SEMA3B: variants seen among roughly 807,000 people sequenced by gnomAD.
The protein encoded by SEMA3B is semaphorin-3B.
Under a neutral mutation model 77.8 loss-of-function variants are expected in SEMA3B, and 71 were observed. The observed-to-expected ratio is 0.91, with a 90% CI of 0.75 to 1.11. SEMA3B has a LOEUF of 1.11. Among genes scored for constraint, SEMA3B ranks in the 50% most tolerant of loss-of-function variants. SEMA3B has a pLI of 0.00. For missense variants in SEMA3B, 968 were observed against 1,056.8 expected (o/e 0.92, Z 1.17); for synonymous variants, 470 against 452.9 (o/e 1.04, Z -0.48).
Position 50,275,589 on chromosome 3 carries a change from G to C in SEMA3B, c.1679G>C (p.Gly560Ala). Residue 560 changes from glycine to alanine, a missense_variant, in exon 15 of 17, where the codon GGC becomes GCC. Coordinates refer to ENST00000616701, the MANE Select transcript of SEMA3B (RefSeq NM_001290060.2). The surrounding 1 kb of genome is among the most constrained non-coding windows in gnomAD (Gnocchi z 7.5). ...TTCCGGCGGCAAGACGTAAGGAATG[G>C]CGACCCCAGCACGTTGTGCTCCGGA... The part of the protein sequence containing the change: ...RRFRRQDVRN[G>A]DPSTLCSGDS... 6.2e-7 allele frequency: 1 copy of C among 1,613,730 alleles called. No homozygotes were observed. The highest frequency in any genetic ancestry group is 8.5e-7 in the Non-Finnish European group (1 of 1,179,902).
At chr3:50,260,369 C>G in the SEMA3B span, 3 of 152,324 alleles carry the variant, frequency 2.0e-5, no homozygotes, top group Non-Finnish European at 4.4e-5. Flanking sequence ...CCCGGGACCC[C>G]GTCCCCGCAC....
Position 50,270,216 on chromosome 3 carries a change from C to T in SEMA3B, c.199C>T (p.Leu67=). ...ALLVDEERGR[L]FVGAENHVAS... is the part of the protein sequence containing the mutation. ...GCTGGTGGATGAGGAGCGTGGACGC[C>T]TGTTTGTGGGTGCCGAGAACCATGT... The change falls in exon 2 of 17, where the codon CTG becomes TTG. Residue 67 remains leucine, a synonymous_variant. Coordinates refer to ENST00000616701, the MANE Select transcript of SEMA3B (RefSeq NM_001290060.2). This position sits in a 1 kb window ranked among gnomAD's most constrained non-coding sequence, Gnocchi z 4.7. 1 of 1,611,126 alleles carries T rather than the reference C, an allele frequency of 6.2e-7. No individual in the cohort carries two copies. The highest frequency in any genetic ancestry group is 8.5e-7 in the Non-Finnish European group (1 of 1,179,010).
rs997610896 is a variant in SEMA3B at position 50,277,379 on chromosome 3, C to G, written c.*673C>G. ...CATCCCGGCTAACACGGTGAAACCC[C>G]GTCTGTACTAAAAATACAAAAAATT... On this transcript the variant is annotated 3_prime_UTR_variant, in exon 17 of 17. Coordinates refer to ENST00000616701, the MANE Select transcript of SEMA3B (RefSeq NM_001290060.2). The G allele has an allele frequency of 2.0e-5, 3 of 151,508 alleles. No individual in the cohort carries two copies. Among genetic ancestry groups the G allele is most frequent in the Non-Finnish European group, 4.4e-5 (3 of 67,932 alleles). 9.4% of individuals were successfully genotyped at this position (151,508 alleles called of 1,614,324 possible). A position where few individuals can be genotyped will look rare whatever the true frequency, so the allele number is the denominator to read the frequency against.
Position 50,273,964 on chromosome 3 carries a change from C to A in SEMA3B, c.1044C>A (p.Arg348=). 6.2e-7 allele frequency: 1 copy of A among 1,613,742 alleles called. No homozygotes were observed. Among genetic ancestry groups the A allele is most frequent in the Non-Finnish European group, 8.5e-7 (1 of 1,179,716 alleles). The change falls in exon 10 of 17, where the codon CGC becomes CGA. Residue 348 remains arginine (R), a synonymous_variant. Coordinates refer to ENST00000616701, the MANE Select transcript of SEMA3B (RefSeq NM_001290060.2). The surrounding 1 kb of genome is among the most constrained non-coding windows in gnomAD (Gnocchi z 6.5). ...GCGTGTACAGCATGAACGACGTGCG[C>A]CGGGCCTTCTTGGGACCCTTTGCAC... is the stretch of plus-strand genomic sequence containing the variant. The part of the protein sequence containing the change: ...AVCVYSMNDV[R]RAFLGPFAHK...
Position 50,272,879 on chromosome 3 carries a change from T to TAATAATAATAATAATAATAATAAA in SEMA3B, c.665-417_665-416insTAATAATAATAATAATAATAAAAA, listed in dbSNP as rs797032591. ...CAAATAATAATAATAATAATAATAA[T>TAATAATAATAATAATAATAATAAA]AAAGAGCAATGGGACCCAGCAGAAG... On this transcript the variant is annotated intron_variant, in intron 6 of 16. Coordinates refer to ENST00000616701, the MANE Select transcript of SEMA3B (RefSeq NM_001290060.2). 9.9e-3 allele frequency among the ~76,000 whole-genome samples: 1,489 copies of TAATAATAATAATAATAATAATAAA among 150,012 alleles called. 75 individuals are homozygous for TAATAATAATAATAATAATAATAAA. The East Asian group carries it at 0.15, about 16-fold the overall frequency.
chr3:50,271,670 C>G (rs1323050683), intron 6 of SEMA3B, among the ~76,000 whole-genome samples, 190 bp downstream of exon 6: 1 of 152,184 alleles, frequency 6.6e-6, no homozygotes, highest in African/African-American at 2.4e-5. Context: ...TCACAGATCA[C>G]ATACATGATA....
At chr3:50,264,872 G>A (rs906609605), upstream of SEMA3B, among the ~76,000 whole-genome samples, 2 of 151,546 alleles carry the variant, frequency 1.3e-5, no homozygotes, top group African/African-American at 4.8e-5. Context: ...GGGGGCTCCC[G>A]CATCCCAGAA....
At chr3:50,266,336 A>C (rs886188731), upstream of SEMA3B, among the ~76,000 whole-genome samples, 67 of 152,312 alleles carry the variant, frequency 4.4e-4, no homozygotes, top group African/African-American at 1.5e-3. Flanking sequence ...GAGCCCAGGC[A>C]GGGATCTGTC....
chr3:50,276,199 AC>A lies in SEMA3B; in HGVS notation c.1846-101del. The A allele has an allele frequency of 7.2e-7, 1 of 1,384,354 alleles. No homozygotes were observed. The highest frequency in any genetic ancestry group is 9.4e-7 in the Non-Finnish European group (1 of 1,063,270). 85.8% of individuals were successfully genotyped at this position (1,384,354 alleles called of 1,614,324 possible). ...CCTGCGGGCACCCCTTTCCCGCTCC[AC>A]CTCGGCTCCCAATGACTCTTTGCTT... On this transcript the variant is annotated intron_variant, in intron 16 of 16. Coordinates refer to ENST00000616701, the MANE Select transcript of SEMA3B (RefSeq NM_001290060.2). The surrounding 1 kb of genome is among the most constrained non-coding windows in gnomAD (Gnocchi z 5.8).
rs1336627948 is a variant in SEMA3B at position 50,269,577 on chromosome 3, C to T, written c.109+228C>T. Among the ~76,000 whole-genome samples, 1 of 152,210 alleles carries T rather than the reference C, an allele frequency of 6.6e-6. No homozygotes were observed. The highest frequency in any genetic ancestry group is 1.5e-5 in the Non-Finnish European group (1 of 68,034). Reference sequence around the variant, plus strand: ...GCTTTCTCAGGAAGACCCCTCCTGTCCCCACAGCAACAGACCTTGTCTCTG... The same window carrying T: ...GCTTTCTCAGGAAGACCCCTCCTGTTCCCACAGCAACAGACCTTGTCTCTG... On this transcript the variant is annotated intron_variant, in intron 1 of 16. Coordinates refer to ENST00000616701, the MANE Select transcript of SEMA3B (RefSeq NM_001290060.2). This position sits in a 1 kb window ranked among gnomAD's most constrained non-coding sequence, Gnocchi z 4.0.
chr3:50,275,743 G>T lies in SEMA3B; in HGVS notation c.1744G>T (p.Gly582Cys), dbSNP rs1553706497. The change falls in exon 16 of 17, where the codon GGC (glycine) becomes TGC (cysteine). Residue 582 changes from glycine (G) to cysteine (C), a missense_variant. By Grantham distance (159) the Gly-to-Cys change is radical (BLOSUM62 -3). Coordinates refer to ENST00000616701, the MANE Select transcript of SEMA3B (RefSeq NM_001290060.2). This position sits in a 1 kb window ranked among gnomAD's most constrained non-coding sequence, Gnocchi z 7.5. ...CGCGCTGCTGGAACACAAGGTGTTCGGCGTGGAGGGCAGCAGCGCCTTTCT... is the reference window on the plus strand; with the variant it reads ...CGCGCTGCTGGAACACAAGGTGTTCTGCGTGGAGGGCAGCAGCGCCTTTCT... The part of the protein sequence containing the change: ...RPALLEHKVF[G>C]VEGSSAFLEC... The T allele has an allele frequency of 1.9e-6, 3 of 1,613,130 alleles. No individual in the cohort carries two copies. The African/African-American group carries it at 4.0e-5, about 22-fold the overall frequency.
At chr3:50,272,855 A>AAATAATAAACAAAT (rs1701090639) in intron 6 of SEMA3B, among the ~76,000 whole-genome samples, 1 of 145,576 alleles carries the variant, frequency 6.9e-6, no homozygotes, top group African/African-American at 2.5e-5. Context: ...ATAAATAAAC[A>AAATAATAAACAAAT]AATAATAATA....
chr3:50,274,903 G>T lies in SEMA3B; in HGVS notation c.1418G>T (p.Gly473Val). 1 of 1,610,742 alleles carries T rather than the reference G, an allele frequency of 6.2e-7. No homozygotes were observed. The highest frequency in any genetic ancestry group is 1.1e-5 in the South Asian group (1 of 90,800). Residue 473 changes from glycine to valine, a missense_variant, in exon 12 of 17, where the codon GGG becomes GTG. Transcript: ENST00000616701. The surrounding 1 kb of genome is among the most constrained non-coding windows in gnomAD (Gnocchi z 4.7). The stretch of plus-strand genomic sequence containing the variant: ...AAGGGCAGTAGGCCCAGCGCAGAGG[G>T]GCTGCTCCTGGAGGAGCTGCACGTG... ...VPKGSRPSAE[G>V]LLLEELHVFE...
In SEMA3B at chr3:50,271,371, A is replaced by C; in HGVS notation, c.555A>C (p.Leu185=). Residue 185 remains leucine, a synonymous_variant, in exon 6 of 17, where the codon CTA becomes CTC. Transcript: ENST00000616701. ...TTGCTCTGTCTGCAGGGGAGGAGCT[A>C]TACTCAGGGGTGGCAGCAGACCTCA... ...RAASVLVGEE[L]YSGVAADLMG... 1 of 1,580,156 alleles carries C rather than the reference A, an allele frequency of 6.3e-7. No individual in the cohort carries two copies. Among genetic ancestry groups the C allele is most frequent in the Non-Finnish European group, 8.6e-7 (1 of 1,163,154 alleles).
chr3:50,273,883 C>T lies in SEMA3B; in HGVS notation c.993-30C>T, dbSNP rs1553705941. 9 of 1,579,716 alleles carry T rather than the reference C, an allele frequency of 5.7e-6. No individual in the cohort carries two copies. Among genetic ancestry groups the T allele is most frequent in the Non-Finnish European group, 7.8e-6 (9 of 1,160,554 alleles). ...GGCGGGCCGCTGGGCTCCACCCGGCCCCTCACCTCGCCCTGGTCTTCGCCT... is the reference window on the plus strand; with the variant it reads ...GGCGGGCCGCTGGGCTCCACCCGGCTCCTCACCTCGCCCTGGTCTTCGCCT... On this transcript the variant is annotated intron_variant, in intron 9 of 16. Transcript: ENST00000616701. This position sits in a 1 kb window ranked among gnomAD's most constrained non-coding sequence, Gnocchi z 6.5.
At position 50,273,879 on chromosome 3, in the gene SEMA3B, C is replaced by A. The variant is rs782443958; in HGVS notation, c.993-34C>A. 6.3e-7 allele frequency: 1 copy of A among 1,574,994 alleles called. No homozygotes were observed. Among genetic ancestry groups the A allele is most frequent in the East Asian group, 2.3e-5 (1 of 43,246 alleles). ...CCGGGGCGGGCCGCTGGGCTCCACC[C>A]GGCCCCTCACCTCGCCCTGGTCTTC... On this transcript the variant is annotated intron_variant, in intron 9 of 16. Coordinates refer to ENST00000616701, the MANE Select transcript of SEMA3B (RefSeq NM_001290060.2). The surrounding 1 kb of genome is among the most constrained non-coding windows in gnomAD (Gnocchi z 6.5).
At position 50,270,166 on chromosome 3, in the gene SEMA3B, A is replaced by T. The variant is rs372726496; in HGVS notation, c.149A>T (p.Glu50Val). 5.1e-6 allele frequency: 8 copies of T among 1,577,278 alleles called. No homozygotes were observed. Among genetic ancestry groups the T allele is most frequent in the Non-Finnish European group, 6.0e-6 (7 of 1,163,364 alleles). Reference sequence around the variant, plus strand: ...CATGGTCTCCAGACTTTCAGCCTGGAGCGAACCTGCTGCTACCAGGCCTTG... The same window carrying T: ...CATGGTCTCCAGACTTTCAGCCTGGTGCGAACCTGCTGCTACCAGGCCTTG... ...AWHGLQTFSL[E>V]RTCCYQALLV... The change falls in exon 2 of 17, where the codon GAG (glutamate) becomes GTG (valine). Residue 50 changes from glutamate (E) to valine (V), a missense_variant. Transcript: ENST00000616701. The surrounding 1 kb of genome is among the most constrained non-coding windows in gnomAD (Gnocchi z 4.7).
chr3:50,268,528 GAC>G (rs587736558), upstream of SEMA3B, among the ~76,000 whole-genome samples: 35 of 152,328 alleles, frequency 2.3e-4, no homozygotes, highest in East Asian at 1.2e-3. Flanking sequence ...TGTGCAATAT[GAC>G]ACACTATATA....
At chr3:50,267,549 CCGCCCTCTAAACTTTACGGCA>C (rs1418189730), upstream of SEMA3B, 1 of 152,488 alleles carries the variant, frequency 6.6e-6, no homozygotes, top group Non-Finnish European at 1.5e-5. The surrounding 1 kb of genome is among the most constrained non-coding windows in gnomAD (Gnocchi z 5.7). Context: ...GTCACCCGAT[CCGCCCTCTAAACTTTACGGCA>C]CGGCGGGCGG....
Sources: gnomAD v4.1 joint callset for allele counts (sites outside exome capture counted in the v4.1 genomes callset) on GRCh38, gnomAD v4.1.1 for gene constraint, Gnocchi (gnomAD v3.1) non-coding constraint, MANE v1.5 for transcripts, NCBI Gene and HGNC (gene_info 2026-07-23, HGNC 2026-07-21) for gene names.